Variants in GREB1L observed in about 807,000 individuals in gnomAD.
GREB1L encodes GREB1 like retinoic acid receptor coactivator, also known as GREB1-like protein.
GREB1L carries 17 observed loss-of-function variants against 200.8 expected under a neutral mutation model. The ratio of observed to expected loss-of-function variants is 0.08; its 90% CI spans 0.06 to 0.13. GREB1L has a LOEUF of 0.13. Ranked by LOEUF, GREB1L falls within the 10% of genes least tolerant of loss-of-function variation. GREB1L has a pLI of 1.00. For missense variants in GREB1L, 1,657 were observed against 2,367.7 expected, an observed-to-expected ratio of 0.70 and a Z score of 6.23; for synonymous variants, 789 against 893.0, an observed-to-expected ratio of 0.88 and a Z score of 2.08.
chr18:21,382,639 A>G (rs1432063182), intron 2 of GREB1L, among the ~76,000 whole-genome samples: 1 of 151,696 alleles, frequency 6.6e-6, no homozygotes, highest in African/African-American at 2.4e-5. Context: ...CTACAGGCAC[A>G]TGCCACCATG....
At chr18:21,503,848 G>C (rs2036903962) in intron 23 of GREB1L, among the ~76,000 whole-genome samples, 1 of 150,008 alleles carries the variant, frequency 6.7e-6, no homozygotes, top group African/African-American at 2.5e-5. Context: ...AAAATGCTGG[G>C]ATTACAGGTG....
intron 17 of GREB1L, 35 bp downstream of exon 17, chr18:21,477,391 T>C: frequency 3.4e-6 from 5 of 1,471,154 alleles, no homozygotes; most frequent in Admixed American, 2.1e-5. Context: ...TACACTGTCA[T>C]GTTCTCAGTT....
At chr18:21,519,341 T>C (rs1225635642) in intron 31 of GREB1L, among the ~76,000 whole-genome samples, 1 of 152,064 alleles carries the variant, frequency 6.6e-6, no homozygotes, top group East Asian at 1.9e-4. Flanking sequence ...CGCACGCCTG[T>C]AGTCCCAGCT....
intron 1 of GREB1L, among the ~76,000 whole-genome samples, chr18:21,293,756 A>G (rs2038486166): frequency 6.6e-6 from 1 of 152,126 alleles, no homozygotes; most frequent in African/African-American, 2.4e-5. Flanking sequence ...TTAGATTATA[A>G]TAGTGCTGTT....
chr18:21,315,171 C>T (rs2038848643), intron 1 of GREB1L, among the ~76,000 whole-genome samples: 2 of 152,096 alleles, frequency 1.3e-5, no homozygotes, highest in South Asian at 4.2e-4. Context: ...CTCACTTTAA[C>T]GTCAAACTCC....
At chr18:21,246,528 G>A (rs1174979146) in intron 1 of GREB1L, among the ~76,000 whole-genome samples, 9 of 151,792 alleles carry the variant, frequency 5.9e-5, no homozygotes, top group Admixed American at 2.0e-4. Flanking sequence ...AGTTTTTTCC[G>A]CCATATTGCT....
At chr18:21,296,010 C>G (rs1445012449) in intron 1 of GREB1L, among the ~76,000 whole-genome samples, 1 of 152,208 alleles carries the variant, frequency 6.6e-6, no homozygotes, top group African/African-American at 2.4e-5. Context: ...CTATGGAAAG[C>G]AGTTTGGAGA....
chr18:21,487,827 C>G (rs1362477622), intron 18 of GREB1L, among the ~76,000 whole-genome samples: 2 of 150,990 alleles, frequency 1.3e-5, no homozygotes, highest in Admixed American at 1.3e-4. Context: ...GTGGTAAAAC[C>G]CTGTCTCTAC....
chr18:21,341,170 G>C (rs2039264056), intron 1 of GREB1L, among the ~76,000 whole-genome samples: 2 of 152,280 alleles, frequency 1.3e-5, no homozygotes, highest in Admixed American at 1.3e-4. Flanking sequence ...GAGTAGATGA[G>C]AAAATGGAAG....
chr18:21,403,921 C>T lies in GREB1L; in HGVS notation c.759C>T (p.Ser253=). ...SSASCHSIKP[S]SSVSSTVTPE... is the part of the protein sequence containing the mutation. ...CTTCTTGCCACTCTATTAAGCCAAG[C>T]TCTTCAGTGTCGTCAACTGTGACCC... Residue 253 remains serine, a synonymous_variant, in exon 7 of 33, where the codon AGC becomes AGT. Transcript: ENST00000424526. 6.4e-7 allele frequency: 1 copy of T among 1,551,096 alleles called. No individual in the cohort carries two copies. Among genetic ancestry groups the T allele is most frequent in the Non-Finnish European group, 8.7e-7 (1 of 1,146,172 alleles).
Position 21,401,132 on chromosome 18 carries a change from T to C in GREB1L, c.533-18T>C. On this transcript the variant is annotated intron_variant, in intron 5 of 32. Transcript: ENST00000424526. ...CAACTTACAAGGCCATTAGTAACAT[T>C]GGTTTTCCTGACTTCAGGGTTTTCT... 6.5e-7 allele frequency: 1 copy of C among 1,546,168 alleles called. No homozygotes were observed. The highest frequency in any genetic ancestry group is 1.2e-5 in the South Asian group (1 of 83,954).
At chr18:21,450,852 G>C (rs1376798733) in intron 12 of GREB1L, 171 bp from the exon 13 acceptor site, 4 of 558,040 alleles carry the variant, frequency 7.2e-6, no homozygotes, top group Non-Finnish European at 1.2e-5. Context: ...AGTCAGAATT[G>C]ATATTTCAAA....
chr18:21,362,542 G>A (rs2039595837), intron 1 of GREB1L, among the ~76,000 whole-genome samples: 1 of 152,084 alleles, frequency 6.6e-6, no homozygotes, highest in South Asian at 2.1e-4. Context: ...TTCTTTAGAT[G>A]TAACATAAAT....
At chr18:21,270,738 A>G (rs1230630528) in intron 1 of GREB1L, among the ~76,000 whole-genome samples, 1 of 152,248 alleles carries the variant, frequency 6.6e-6, no homozygotes, top group Non-Finnish European at 1.5e-5. Context: ...AACATAAAGT[A>G]CACTTACACG....
chr18:21,444,948 C>CCTGG (rs1473400518), intron 11 of GREB1L, among the ~76,000 whole-genome samples: 1 of 152,156 alleles, frequency 6.6e-6, no homozygotes, highest in African/African-American at 2.4e-5. Context: ...TGTGGACCTC[C>CCTGG]CTGGAAGGTC....
intron 17 of GREB1L, among the ~76,000 whole-genome samples, chr18:21,479,426 C>T (rs1204982631): frequency 6.6e-6 from 1 of 152,110 alleles, no homozygotes; most frequent in Non-Finnish European, 1.5e-5. Context: ...CACCTGTAAT[C>T]CCAGCACTTA....
At chr18:21,312,337 T>C (rs2038804544) in intron 1 of GREB1L, among the ~76,000 whole-genome samples, 1 of 152,180 alleles carries the variant, frequency 6.6e-6, no homozygotes, top group Admixed American at 6.5e-5. Context: ...TTTGGGTATA[T>C]TCCCAGTAAT....
chr18:21,283,369 C>T (rs1052763677), intron 1 of GREB1L, among the ~76,000 whole-genome samples: 18 of 152,272 alleles, frequency 1.2e-4, no homozygotes, highest in African/African-American at 3.9e-4. Context: ...GCAGCAGCAA[C>T]ATCACAGTGC....
chr18:21,320,721 G>GCC (rs1398710949), intron 1 of GREB1L, among the ~76,000 whole-genome samples: 24 of 150,692 alleles, frequency 1.6e-4, no homozygotes. Context: ...AGCTGAGATC[G>GCC]CGCCACTGCA....
Sources: gnomAD v4.1 joint callset for allele counts (sites outside exome capture counted in the v4.1 genomes callset) on GRCh38, gnomAD v4.1.1 for gene constraint, MANE v1.5 for transcripts, NCBI Gene and HGNC (gene_info 2026-07-23, HGNC 2026-07-21) for gene names.